SLC7A1: variants seen among roughly 807,000 people sequenced by gnomAD.
The protein encoded by SLC7A1 is solute carrier family 7 member 1.
Under a neutral mutation model 53.9 loss-of-function variants are expected in SLC7A1, and 10 were observed. The observed-to-expected ratio is 0.19, with a 90% CI of 0.11 to 0.31. SLC7A1 has a LOEUF of 0.31. SLC7A1 is among the 10% of genes least tolerant of loss of function. The probability of loss-of-function intolerance (pLI) is 1.00; values close to 1 mark genes in which losing one functional copy is unlikely to be tolerated. For synonymous variants in SLC7A1, 342 were observed against 338.7 expected (o/e 1.01, Z -0.11); for missense variants, 525 against 827.2 (o/e 0.63, Z 4.48).
At chr13:29,535,092 C>T (rs982064779) in intron 3 of SLC7A1, among the ~76,000 whole-genome samples, 1 of 152,174 alleles carries the variant, frequency 6.6e-6, no homozygotes, top group South Asian at 2.1e-4. Context: ...CTTAAAAACA[C>T]GCAGACCCAC....
At chr13:29,573,498 A>C (rs1871283713) in intron 1 of SLC7A1, among the ~76,000 whole-genome samples, 1 of 152,238 alleles carries the variant, frequency 6.6e-6, no homozygotes, top group African/African-American at 2.4e-5. Flanking sequence ...CTCTAAAGCC[A>C]GAGAGTGTCT....
chr13:29,588,456 G>A (rs1445076409), intron 1 of SLC7A1, among the ~76,000 whole-genome samples: 4 of 151,916 alleles, frequency 2.6e-5, no homozygotes, highest in Non-Finnish European at 5.9e-5. Context: ...GCATCTGAGA[G>A]ACGGTACCCA....
intron 1 of SLC7A1, among the ~76,000 whole-genome samples, chr13:29,573,043 C>T (rs1871266705): frequency 6.6e-6 from 1 of 152,070 alleles, no homozygotes. Context: ...AATAATCTAT[C>T]CTGGAGAGAA....
At chr13:29,572,127 C>T (rs1003102074) in intron 1 of SLC7A1, among the ~76,000 whole-genome samples, 2 of 152,224 alleles carry the variant, frequency 1.3e-5, no homozygotes, top group African/African-American at 4.8e-5. Context: ...TGACACTGCC[C>T]CAAAACGCAG....
chr13:29,527,800 C>A (rs1468430147), intron 5 of SLC7A1, among the ~76,000 whole-genome samples: 1 of 152,272 alleles, frequency 6.6e-6, no homozygotes, highest in East Asian at 1.9e-4. Flanking sequence ...GCCACCCTCA[C>A]ACCAGCCACC....
intron 1 of SLC7A1, among the ~76,000 whole-genome samples, chr13:29,578,789 C>G (rs983447198): frequency 1.1e-4 from 17 of 152,266 alleles, no homozygotes; most frequent in African/African-American, 4.1e-4. Context: ...GGCTCCCTGT[C>G]ACAGCCTGTC....
intron 1 of SLC7A1, among the ~76,000 whole-genome samples, chr13:29,582,338 C>T (rs982237656): frequency 3.9e-5 from 6 of 152,198 alleles, no homozygotes; most frequent in Non-Finnish European, 7.3e-5. Context: ...TATCTGCAGA[C>T]GGCTGTAAAG....
At chr13:29,554,981 T>G (rs190404421) in intron 1 of SLC7A1, among the ~76,000 whole-genome samples, 1 of 152,246 alleles carries the variant, frequency 6.6e-6, no homozygotes, top group Non-Finnish European at 1.5e-5. Context: ...GACAAATATA[T>G]GCTTTCCTCA....
At chr13:29,522,220 A>C (rs1458163550) in intron 8 of SLC7A1, 97 bp downstream of exon 8, 4 of 1,225,052 alleles carry the variant, frequency 3.3e-6, no homozygotes, top group Non-Finnish European at 4.7e-6. Context: ...AGACCAGTTA[A>C]GATTACTCAC....
At chr13:29,538,801 T>A (rs1869538544) in intron 2 of SLC7A1, among the ~76,000 whole-genome samples, 1 of 152,230 alleles carries the variant, frequency 6.6e-6, no homozygotes, top group South Asian at 2.1e-4. Flanking sequence ...CTGGGAGATG[T>A]GCAAAAATTG....
At chr13:29,527,328 C>A (rs1422326163) in intron 5 of SLC7A1, among the ~76,000 whole-genome samples, 1 of 152,052 alleles carries the variant, frequency 6.6e-6, no homozygotes, top group African/African-American at 2.4e-5. Flanking sequence ...CGTTATGAAC[C>A]ACGTAGTATT....
At chr13:29,572,188 C>T (rs1197000609) in intron 1 of SLC7A1, among the ~76,000 whole-genome samples, 4 of 152,172 alleles carry the variant, frequency 2.6e-5, no homozygotes, top group African/African-American at 7.2e-5. Context: ...ACTCCAAGTG[C>T]GACACGCTGT....
chr13:29,577,890 C>G (rs1051232939), intron 1 of SLC7A1, among the ~76,000 whole-genome samples: 3 of 152,180 alleles, frequency 2.0e-5, no homozygotes, highest in African/African-American at 7.2e-5. Context: ...CCAAGGAGAA[C>G]CACGTTCTTC....
chr13:29,542,012 A>G (rs781298869), intron 2 of SLC7A1, among the ~76,000 whole-genome samples: 1 of 152,252 alleles, frequency 6.6e-6, no homozygotes, highest in African/African-American at 2.4e-5. Context: ...AATACTTTTC[A>G]AAATTCTCTT....
At chr13:29,574,199 T>C (rs1324222945) in intron 1 of SLC7A1, among the ~76,000 whole-genome samples, 1 of 152,208 alleles carries the variant, frequency 6.6e-6, no homozygotes, top group African/African-American at 2.4e-5. Context: ...GGGATGAAGA[T>C]AGATGGTAAG....
At chr13:29,549,150 T>C (rs1870060715) in intron 2 of SLC7A1, among the ~76,000 whole-genome samples, 2 of 152,186 alleles carry the variant, frequency 1.3e-5, no homozygotes, top group African/African-American at 4.8e-5. Flanking sequence ...ACTAAGAGAA[T>C]AGCCTCTATC....
intron 2 of SLC7A1, among the ~76,000 whole-genome samples, chr13:29,538,233 G>A (rs1397253703): frequency 1.3e-5 from 2 of 152,084 alleles, no homozygotes; most frequent in African/African-American, 4.8e-5. Context: ...CTGGAGTTCC[G>A]GCAGTATCAC....
At chr13:29,516,757 G>C (rs1422964823) in intron 11 of SLC7A1, 1 of 184,150 alleles carries the variant, frequency 5.4e-6, no homozygotes, top group Non-Finnish European at 1.1e-5. Flanking sequence ...GTGGCTTCAT[G>C]AGCAGCACCC....
At chr13:29,582,532 C>T (rs1161356803) in intron 1 of SLC7A1, among the ~76,000 whole-genome samples, 1 of 152,234 alleles carries the variant, frequency 6.6e-6, no homozygotes, top group Non-Finnish European at 1.5e-5. Flanking sequence ...CACAAAGACA[C>T]ATGCATCCCA....
Sources: allele counts gnomAD v4.1 joint callset (sites outside exome capture counted in the v4.1 genomes callset), GRCh38; gene constraint gnomAD v4.1.1; transcripts MANE v1.5; gene names NCBI Gene and HGNC (gene_info 2026-07-23, HGNC 2026-07-21).